Variants in KLHDC10 observed in about 807,000 individuals in gnomAD.
KLHDC10 encodes the protein kelch domain containing 10.
Under a neutral mutation model 56.1 loss-of-function variants are expected in KLHDC10, and 24 were observed. The ratio of observed to expected loss-of-function variants is 0.43; its 90% CI spans 0.31 to 0.60. The LOEUF (loss-of-function observed/expected upper bound fraction) is 0.60, where lower values mean the gene tolerates loss of function less well. Ranked by LOEUF, KLHDC10 falls within the 20% of genes least tolerant of loss-of-function variation. The pLI, the probability that KLHDC10 is intolerant of heterozygous loss-of-function variation, is 0.11. For synonymous variants in KLHDC10, 188 were observed against 207.1 expected (o/e 0.91, Z 0.79); for missense variants, 349 against 567.0 (o/e 0.62, Z 3.91).
Position 130,134,589 on chromosome 7 carries a change from T to G in KLHDC10, c.*3843T>G, listed in dbSNP as rs766609726. The stretch of plus-strand genomic sequence containing the variant: ...AGCTTGGCATGTAGGAAAGGTTGAA[T>G]GATCCTCTAAGACTGTGTTGGTCTT... On this transcript the variant is annotated 3_prime_UTR_variant, in exon 10 of 10. Coordinates refer to ENST00000335420, the MANE Select transcript of KLHDC10 (RefSeq NM_014997.4). 6.6e-6 allele frequency: 1 copy of G among 152,198 alleles called. No homozygotes were observed. Among genetic ancestry groups the G allele is most frequent in the Non-Finnish European group, 1.5e-5 (1 of 68,044 alleles). The allele number at this position is 152,198 out of a possible 1,614,324, so 9.4% of individuals were successfully genotyped here.
In KLHDC10 at chr7:130,070,804, T is replaced by C. The variant is rs376728251; in HGVS notation, c.161T>C (p.Leu54Pro). ...GTGCAACTCTCCGGGCGGCCGCACCTGCCAGGTGAGTCGTGGGACAGGGTC... is the reference window on the plus strand; with the variant it reads ...GTGCAACTCTCCGGGCGGCCGCACCCGCCAGGTGAGTCGTGGGACAGGGTC... ...RFVQLSGRPH[L>P]PGKKKIRWDP... The change falls in exon 1 of 10, where the codon CTG becomes CCG. Residue 54 changes from leucine to proline, a missense_variant. Around this residue, in one of 2 missense-constraint regions of KLHDC10, gnomAD observed 104 missense variants for 97.0 expected, o/e 1.07. Transcript: ENST00000335420. 1 of 1,305,396 alleles carries C rather than the reference T, an allele frequency of 7.7e-7. No individual in the cohort carries two copies. The highest frequency in any genetic ancestry group is 9.8e-7 in the Non-Finnish European group (1 of 1,024,356). The allele number at this position is 1,305,396 out of a possible 1,614,324, so 80.9% of individuals were successfully genotyped here. A position where few individuals can be genotyped will look rare whatever the true frequency, so the allele number is the denominator to read the frequency against.
chr7:130,129,790 A>T (rs902421643), intron 9 of KLHDC10, among the ~76,000 whole-genome samples: 2 of 152,154 alleles, frequency 1.3e-5, no homozygotes, highest in East Asian at 1.9e-4. Flanking sequence ...ATGTAAGAGA[A>T]ATGCTACCTG....
At chr7:130,108,558 A>T (rs369259240) in intron 2 of KLHDC10, among the ~76,000 whole-genome samples, 4 of 76,716 alleles carry the variant, frequency 5.2e-5, no homozygotes, top group African/African-American at 2.5e-4. Flanking sequence ...CAAATATCCA[A>T]AAAAAAAAAA....
intron 1 of KLHDC10, 82 bp from the exon 2 acceptor site, chr7:130,096,839 C>T: frequency 1.1e-6 from 1 of 946,630 alleles, no homozygotes. Context: ...TCCTGTTTTT[C>T]TGTCTTTATA....
At chr7:130,099,876 C>T (rs1432000753) in intron 2 of KLHDC10, among the ~76,000 whole-genome samples, 1 of 151,944 alleles carries the variant, frequency 6.6e-6, no homozygotes, top group Non-Finnish European at 1.5e-5. Flanking sequence ...GAATAGGGGC[C>T]GGGCATGGTG....
intron 1 of KLHDC10, among the ~76,000 whole-genome samples, chr7:130,095,211 T>C (rs952045175): frequency 6.6e-6 from 1 of 151,816 alleles, no homozygotes. Flanking sequence ...ACATTAAAAA[T>C]ATATATATAC....
Position 130,096,996 on chromosome 7 carries a change from G to A in KLHDC10, c.242G>A (p.Arg81Lys). ...TGTCCCATCATAAGGATCCCTAACA[G>A]GTTTTTGAGAGGTGGGTGATAATTA... Reference protein sequence around the residue: ...QSCPIIRIPNRFLRGHRPPPA... With the variant: ...QSCPIIRIPNKFLRGHRPPPA... Residue 81 changes from arginine (R) to lysine (K), a missense_variant, in exon 2 of 10, where the codon AGG (arginine) becomes AAG (lysine). Around this residue, in one of 2 missense-constraint regions of KLHDC10, gnomAD observed 245 missense variants for 470.1 expected, o/e 0.52. Transcript: ENST00000335420. 1.2e-6 allele frequency: 2 copies of A among 1,602,944 alleles called. No individual in the cohort carries two copies. The highest frequency in any genetic ancestry group is 1.7e-6 in the Non-Finnish European group (2 of 1,172,168).
chr7:130,134,342 G>A lies in KLHDC10; in HGVS notation c.*3596G>A, dbSNP rs1017595900. On this transcript the variant is annotated 3_prime_UTR_variant, in exon 10 of 10. Transcript: ENST00000335420. ...TGAATGCTGAAATTAGGAACCACAG[G>A]TGGTAATCCTGAGTAGATGTAGCTC... is the stretch of plus-strand genomic sequence containing the variant. The A allele has an allele frequency of 6.6e-6, 1 of 152,206 alleles. No homozygotes were observed. The highest frequency in any genetic ancestry group is 1.5e-5 in the Non-Finnish European group (1 of 68,042). 9.4% of individuals were successfully genotyped at this position (152,206 alleles called of 1,614,324 possible).
rs537904543 is a variant in KLHDC10, at chr7:130,107,398, G to A, written c.254-9047G>A. 1.5e-4 allele frequency among the ~76,000 whole-genome samples: 23 copies of A among 152,106 alleles called. 1 individual carries two copies. The highest frequency in any genetic ancestry group is 5.3e-4 in the African/African-American group (22 of 41,498). Reference sequence around the variant, plus strand: ...ATACTAGAGTTCAGAAAATTGGCTGGACAAAATTTAAACTTGCAAAAAACC... The same window carrying A: ...ATACTAGAGTTCAGAAAATTGGCTGAACAAAATTTAAACTTGCAAAAAACC... On this transcript the variant is annotated intron_variant, in intron 2 of 9. Coordinates refer to ENST00000335420, the MANE Select transcript of KLHDC10 (RefSeq NM_014997.4).
chr7:130,130,099 G>A lies in KLHDC10; in HGVS notation c.1120-438G>A, dbSNP rs567105627. Among the ~76,000 whole-genome samples the A allele has an allele frequency of 2.0e-5, 3 of 152,066 alleles. No homozygotes were observed. Among genetic ancestry groups the A allele is most frequent in the East Asian group, 3.9e-4 (2 of 5,160 alleles). ...TGGGAGGCCAAGGTGGGCGGATCAC[G>A]AGGTCAGGAGATTGAGACCATCCTG... On this transcript the variant is annotated intron_variant, in intron 9 of 9. Coordinates refer to ENST00000335420, the MANE Select transcript of KLHDC10 (RefSeq NM_014997.4). This position sits in a 1 kb window ranked among gnomAD's most constrained non-coding sequence, Gnocchi z 4.2.
At chr7:130,122,673 C>T (rs1796263681) in intron 5 of KLHDC10, among the ~76,000 whole-genome samples, 1 of 152,184 alleles carries the variant, frequency 6.6e-6, no homozygotes, top group African/African-American at 2.4e-5. Context: ...TCTCAGCCCT[C>T]CGCCCAAGTA....
At chr7:130,127,352 G>T in intron 7 of KLHDC10, 52 bp from the exon 8 acceptor site, 1 of 1,463,598 alleles carries the variant, frequency 6.8e-7, no homozygotes, top group Non-Finnish European at 9.6e-7. Flanking sequence ...TATCAGTGTG[G>T]TTCCCAGTCT....
chr7:130,098,022 T>G (rs1031577147), intron 2 of KLHDC10, among the ~76,000 whole-genome samples: 14 of 131,318 alleles, frequency 1.1e-4, no homozygotes, highest in African/African-American at 4.6e-4. Flanking sequence ...TTAACTGGAG[T>G]TTTTTTTTTT....
rs1345259452 is a variant in KLHDC10, at chr7:130,130,132, CG to C, written c.1120-403del. On this transcript the variant is annotated intron_variant, in intron 9 of 9. Transcript: ENST00000335420. The surrounding 1 kb of genome is among the most constrained non-coding windows in gnomAD (Gnocchi z 4.2). ...GAGATTGAGACCATCCTGGCTAACA[CG>C]GATGAAACCCCATCTCTACTAAAAA... 5.9e-5 allele frequency among the ~76,000 whole-genome samples: 9 copies of C among 151,678 alleles called. No individual in the cohort carries two copies. Among genetic ancestry groups the C allele is most frequent in the South Asian group, 4.2e-4 (2 of 4,780 alleles).
intron 2 of KLHDC10, among the ~76,000 whole-genome samples, chr7:130,114,142 C>T (rs1020414133): frequency 1.3e-5 from 2 of 152,094 alleles, no homozygotes; most frequent in Non-Finnish European, 2.9e-5. Context: ...TTTTTAGGTA[C>T]TAACTGTTTT....
intron 1 of KLHDC10, among the ~76,000 whole-genome samples, chr7:130,082,254 G>A (rs571506443): frequency 4.6e-5 from 7 of 152,280 alleles, no homozygotes; most frequent in Non-Finnish European, 1.0e-4. Flanking sequence ...AGCCCAAAAG[G>A]TTGGGGCTGT....
intron 2 of KLHDC10, among the ~76,000 whole-genome samples, chr7:130,103,695 C>T (rs1000158491): frequency 2.6e-5 from 4 of 152,110 alleles, no homozygotes; most frequent in Non-Finnish European, 2.9e-5. Context: ...ATTCAGTACC[C>T]GGCCTCACTA....
chr7:130,131,068 A>C lies in KLHDC10; in HGVS notation c.*322A>C. On this transcript the variant is annotated 3_prime_UTR_variant, in exon 10 of 10. Transcript: ENST00000335420. ...ATTAATCAAGACAGATTCCTTTTTA[A>C]AGGAATTCTGAATAGTTCCATGTCA... 1 of 215,222 alleles carries C rather than the reference A, an allele frequency of 4.6e-6. No homozygotes were observed. Among genetic ancestry groups the C allele is most frequent in the East Asian group, 9.5e-5 (1 of 10,566 alleles). 13.3% of individuals were successfully genotyped at this position (215,222 alleles called of 1,614,324 possible). A position where few individuals can be genotyped will look rare whatever the true frequency, so the allele number is the denominator to read the frequency against.
intron 3 of KLHDC10, among the ~76,000 whole-genome samples, chr7:130,117,849 C>CAAAA (rs60800057): frequency 1.4e-4 from 10 of 73,164 alleles, no homozygotes; most frequent in African/African-American, 2.0e-4. Flanking sequence ...GACCCTGTCT[C>CAAAA]AAAAAAAAAA....
Sources: gnomAD v4.1 joint callset for allele counts (sites outside exome capture counted in the v4.1 genomes callset) on GRCh38, gnomAD v4.1.1 for gene constraint, gnomAD v4.1.1 regional missense constraint, Gnocchi (gnomAD v3.1) non-coding constraint, MANE v1.5 for transcripts, NCBI Gene and HGNC (gene_info 2026-07-23, HGNC 2026-07-21) for gene names.